Variants in DYM observed in about 807,000 individuals in gnomAD.
DYM encodes the protein dyggve-Melchior-Clausen syndrome protein.
Under a neutral mutation model 93.1 loss-of-function variants are expected in DYM, and 78 were observed. That is an observed-to-expected ratio of 0.84 (90% CI 0.70 to 1.01). The LOEUF is 1.01. DYM is among the 50% of genes least tolerant of loss of function. DYM has a pLI of 0.00. For missense variants in DYM, 789 were observed against 845.0 expected (o/e 0.93, Z 0.82); for synonymous variants, 321 against 319.7 (o/e 1.00, Z -0.04).
rs781731477 is a variant in DYM, at chr18:49,379,704, G to T, written c.248C>A (p.Ser83Tyr). ...TGAAAGTTTTAGTTCTTTGGTTCTA[G>T]AAAGGAAGACCTTAATTAGTGCACC... ...NLGALIKVFL[S>Y]RTKELKLSAE... is the part of the protein sequence containing the mutation. The change falls in exon 4 of 18, where the codon TCT becomes TAT. Residue 83 changes from serine to tyrosine, a missense_variant. Coordinates refer to ENST00000675505, the MANE Select transcript of DYM (RefSeq NM_001353214.3). 2.5e-6 allele frequency: 4 copies of T among 1,613,328 alleles called. No homozygotes were observed. The highest frequency in any genetic ancestry group is 2.5e-6 in the Non-Finnish European group (3 of 1,179,510).
At chr18:49,229,970 A>G (rs1194207063) in intron 13 of DYM, among the ~76,000 whole-genome samples, 1 of 152,208 alleles carries the variant, frequency 6.6e-6, no homozygotes, top group Non-Finnish European at 1.5e-5. Flanking sequence ...ATAAATCTCC[A>G]GTCTCAAAAG....
At chr18:49,202,536 C>T (rs1430571561) in intron 14 of DYM, among the ~76,000 whole-genome samples, 1 of 133,162 alleles carries the variant, frequency 7.5e-6, no homozygotes, top group Non-Finnish European at 1.6e-5. Flanking sequence ...GCCATCCCAT[C>T]TAGGAAGTGA....
intron 8 of DYM, among the ~76,000 whole-genome samples, chr18:49,311,892 A>G (rs78236980): frequency 1.3e-5 from 2 of 152,122 alleles, no homozygotes; most frequent in African/African-American, 4.8e-5. Context: ...AAAAAAAAAA[A>G]GAATTCACAT....
intron 14 of DYM, among the ~76,000 whole-genome samples, chr18:49,196,426 G>C (rs1336017702): frequency 8.7e-6 from 1 of 115,170 alleles, no homozygotes. Flanking sequence ...TTAAGTGCTA[G>C]GGATCAGTGG....
At chr18:49,111,188 CTTCT>C (rs1291609658) in intron 16 of DYM, among the ~76,000 whole-genome samples, 10 of 151,794 alleles carry the variant, frequency 6.6e-5, no homozygotes, top group Non-Finnish European at 1.5e-4. Context: ...GTAACATATT[CTTCT>C]TTTTTTTTTT....
intron 17 of DYM, among the ~76,000 whole-genome samples, 199 bp from the exon 18 acceptor site, chr18:49,044,403 G>C (rs144013999): frequency 3.9e-4 from 60 of 152,362 alleles, no homozygotes; most frequent in Non-Finnish European, 7.3e-4. Context: ...CCGATGGAGA[G>C]AGCAAGTAAC....
chr18:49,128,076 G>T (rs940278921), intron 15 of DYM, among the ~76,000 whole-genome samples: 4 of 152,230 alleles, frequency 2.6e-5, no homozygotes, highest in African/African-American at 9.6e-5. Context: ...AGTGACAAGA[G>T]AACTGTGGCT....
chr18:49,212,898 T>C (rs2092851304), intron 13 of DYM, among the ~76,000 whole-genome samples: 1 of 152,160 alleles, frequency 6.6e-6, no homozygotes, highest in Non-Finnish European at 1.5e-5. Flanking sequence ...AGCCCTAAAA[T>C]GTCATTCTGA....
rs1184748838 is a variant in DYM at position 49,393,422 on chromosome 18, T to C, written c.141-1777A>G. On this transcript the variant is annotated intron_variant, in intron 2 of 17. Transcript: ENST00000675505. ...AGTAACCCACATGTGTACCAACAGA[T>C]AGATGGATAAATGAAATGTACATAC... Among the ~76,000 whole-genome samples, 6 of 152,152 alleles carry C rather than the reference T, an allele frequency of 3.9e-5. No individual in the cohort carries two copies. The East Asian group carries it at 9.6e-4, about 24-fold the overall frequency.
At chr18:49,287,338 A>T (rs1054963130) in intron 8 of DYM, among the ~76,000 whole-genome samples, 1 of 149,730 alleles carries the variant, frequency 6.7e-6, no homozygotes, top group Admixed American at 6.7e-5. Flanking sequence ...TATATATTTA[A>T]ATATATATAT....
chr18:49,315,262 TA>T (rs1236923505), intron 8 of DYM, among the ~76,000 whole-genome samples: 1 of 152,116 alleles, frequency 6.6e-6, no homozygotes, highest in Non-Finnish European at 1.5e-5. Flanking sequence ...TTTAACCATT[TA>T]ACATACATGT....
At chr18:49,407,492 T>C (rs140275544) in intron 2 of DYM, among the ~76,000 whole-genome samples, 1 of 152,272 alleles carries the variant, frequency 6.6e-6, no homozygotes, top group African/African-American at 2.4e-5. Context: ...CTTACAATCA[T>C]TGCAGAAGGT....
chr18:49,322,657 C>A (rs1345808929), intron 8 of DYM, among the ~76,000 whole-genome samples: 3 of 151,500 alleles, frequency 2.0e-5, no homozygotes, highest in Non-Finnish European at 4.4e-5. Context: ...GTGTATATAC[C>A]AAACATCTGA....
intron 14 of DYM, among the ~76,000 whole-genome samples, chr18:49,183,327 G>A (rs1343997502): frequency 6.6e-6 from 1 of 152,076 alleles, no homozygotes; most frequent in African/African-American, 2.4e-5. Flanking sequence ...TACTTTTCCA[G>A]AAAACGTTGT....
At chr18:49,415,040 A>G (rs2072760725) in intron 2 of DYM, among the ~76,000 whole-genome samples, 1 of 152,102 alleles carries the variant, frequency 6.6e-6, no homozygotes, top group South Asian at 2.1e-4. Flanking sequence ...GCTGGAGTAC[A>G]GTGGCATGAC....
At chr18:49,285,080 C>A (rs1456458123) in intron 9 of DYM, among the ~76,000 whole-genome samples, 1 of 152,164 alleles carries the variant, frequency 6.6e-6, no homozygotes, top group Admixed American at 6.5e-5. Flanking sequence ...AGACTGAGCC[C>A]TCACCAGACA....
chr18:49,046,388 ACAC>A (rs900551005), intron 17 of DYM, among the ~76,000 whole-genome samples: 1 of 151,494 alleles, frequency 6.6e-6, no homozygotes, highest in African/African-American at 2.4e-5. Flanking sequence ...ACACACACAC[ACAC>A]CACAGACAAA....
At chr18:49,192,257 T>A (rs2091050501) in intron 14 of DYM, among the ~76,000 whole-genome samples, 1 of 152,088 alleles carries the variant, frequency 6.6e-6, no homozygotes, top group South Asian at 2.1e-4. Flanking sequence ...TACATCAGTT[T>A]CCTTATCCAT....
intron 14 of DYM, among the ~76,000 whole-genome samples, chr18:49,168,396 C>T (rs1191524167): frequency 6.6e-6 from 1 of 152,084 alleles, no homozygotes; most frequent in Non-Finnish European, 1.5e-5. Flanking sequence ...GAAAACAGAG[C>T]CCCTGCCAAT....
Sources: allele counts gnomAD v4.1 joint callset (sites outside exome capture counted in the v4.1 genomes callset), GRCh38; gene constraint gnomAD v4.1.1; transcripts MANE v1.5; gene names NCBI Gene and HGNC (gene_info 2026-07-23, HGNC 2026-07-21).